The following PIAS2 variants were observed in gnomAD, a reference collection of about 807,000 sequenced individuals.
The protein encoded by PIAS2 is E3 SUMO-protein ligase PIAS2.
Under a neutral mutation model 69.7 loss-of-function variants are expected in PIAS2, and 19 were observed. The ratio of observed to expected loss-of-function variants is 0.27; its 90% CI spans 0.19 to 0.40. The LOEUF (loss-of-function observed/expected upper bound fraction) is 0.40. Ranked by LOEUF, PIAS2 falls within the 10% of genes least tolerant of loss-of-function variation. The pLI is 1.00. For missense variants in PIAS2, 624 were observed against 757.0 expected (o/e 0.82, Z 2.06); for synonymous variants, 261 against 263.2 (o/e 0.99, Z 0.08).
chr18:46,868,068 G>C (rs1179680978), intron 2 of PIAS2, among the ~76,000 whole-genome samples: 1 of 152,174 alleles, frequency 6.6e-6, no homozygotes, highest in Non-Finnish European at 1.5e-5. Context: ...CAAGTGATCT[G>C]AGCTTCTGGC....
At chr18:46,814,211 C>T (rs891639404) in intron 13 of PIAS2, among the ~76,000 whole-genome samples, 1 of 152,118 alleles carries the variant, frequency 6.6e-6, no homozygotes, top group Non-Finnish European at 1.5e-5. Flanking sequence ...ATATGGAGGT[C>T]AAGTAGTAAA....
intron 1 of PIAS2, among the ~76,000 whole-genome samples, chr18:46,904,616 T>G (rs1156400957): frequency 2.0e-5 from 3 of 151,964 alleles, no homozygotes; most frequent in Non-Finnish European, 4.4e-5. Context: ...CCAGGCATGG[T>G]GGCAGGCACC....
rs1166294893 is a variant in PIAS2 at position 46,804,194 on chromosome 18, A to G, written c.*8239T>C. 1 of 152,146 alleles carries G rather than the reference A, an allele frequency of 6.6e-6. No homozygotes were observed. The highest frequency in any genetic ancestry group is 2.4e-5 in the African/African-American group (1 of 41,420). The allele number at this position is 152,146 out of a possible 1,614,324, so 9.4% of individuals were successfully genotyped here. A position where few individuals can be genotyped will look rare whatever the true frequency, so the allele number is the denominator to read the frequency against. ...CTCTGGGATGCAAGTGAAAAAAGTT[A>G]TCACCTCTGCCCTCATGGAGCTTAC... is the stretch of plus-strand genomic sequence containing the variant. On this transcript the variant is annotated 3_prime_UTR_variant, in exon 14 of 14. Transcript: ENST00000585916.
chr18:46,818,989 C>T (rs889894067), intron 12 of PIAS2, among the ~76,000 whole-genome samples: 19 of 152,180 alleles, frequency 1.2e-4, no homozygotes, highest in Middle Eastern at 6.8e-3. Context: ...TGCCCAAATT[C>T]TGAAATAATG....
At chr18:46,855,685 GA>G in intron 3 of PIAS2, 70 bp from the exon 4 acceptor site, 16 of 1,106,354 alleles carry the variant, frequency 1.4e-5, no homozygotes, top group Non-Finnish European at 2.0e-5. Flanking sequence ...TCCCCAGGAG[GA>G]AAAAAAGGAA....
chr18:46,813,832 C>G (rs1292959069), intron 13 of PIAS2, among the ~76,000 whole-genome samples: 3 of 152,136 alleles, frequency 2.0e-5, no homozygotes, highest in Non-Finnish European at 4.4e-5. Flanking sequence ...ATGCCACATA[C>G]AGAGTCAAGG....
rs751651329 is a variant in PIAS2 at position 46,864,231 on chromosome 18, G to T, written c.517C>A (p.Arg173=). Residue 173 remains arginine (R), a synonymous_variant, in exon 3 of 14, where the codon CGA becomes AGA. Coordinates refer to ENST00000585916, the MANE Select transcript of PIAS2 (RefSeq NM_004671.5). ...AAAATAAAAAACTTCTCTTGAAATCGCTGAATACTGCTTTGAACTGGGAAG... is the reference window on the plus strand; with the variant it reads ...AAAATAAAAAACTTCTCTTGAAATCTCTGAATACTGCTTTGAACTGGGAAG... ...PTSLVQSSIQ[R]FQEKFFIFAL... 4 of 1,590,296 alleles carry T rather than the reference G, an allele frequency of 2.5e-6. No individual in the cohort carries two copies. In the South Asian group the frequency reaches 3.5e-5, roughly 14 times the overall value.
chr18:46,810,698 A>G lies in PIAS2; in HGVS notation c.*1735T>C, dbSNP rs1258138408. 6.6e-6 allele frequency: 1 copy of G among 151,886 alleles called. No individual in the cohort carries two copies. Among genetic ancestry groups the G allele is most frequent in the Non-Finnish European group, 1.5e-5 (1 of 68,002 alleles). The allele number at this position is 151,886 out of a possible 1,614,324, so 9.4% of individuals were successfully genotyped here. A position where few individuals can be genotyped will look rare whatever the true frequency, so the allele number is the denominator to read the frequency against. The stretch of plus-strand genomic sequence containing the variant: ...AAACCATATGAATTTAAATCAACAT[A>G]AAAAGAACACACAAAGGCCATGGAA... On this transcript the variant is annotated 3_prime_UTR_variant, in exon 14 of 14. Transcript: ENST00000585916.
intron 12 of PIAS2, chr18:46,817,606 T>C (rs1286474334): frequency 2.1e-6 from 2 of 952,290 alleles, no homozygotes; most frequent in Non-Finnish European, 2.5e-6. Flanking sequence ...GAAAATTGAA[T>C]GTGGTGACTT....
chr18:46,815,705 A>C (rs1041444728), intron 12 of PIAS2: 61 of 1,007,394 alleles, frequency 6.1e-5, no homozygotes, highest in Non-Finnish European at 6.8e-5. Flanking sequence ...AAAAAAAAAA[A>C]CATACTTAAG....
rs143649527 is a variant in PIAS2, at chr18:46,916,491, G to A, written c.24+831C>T. ...CGATACACACAAATCCATCTCATTC[G>A]TCACACTTAGTTAGGACTTTAAAGG... On this transcript the variant is annotated intron_variant, in intron 1 of 13. Coordinates refer to ENST00000585916, the MANE Select transcript of PIAS2 (RefSeq NM_004671.5). 3.6e-4 allele frequency among the ~76,000 whole-genome samples: 54 copies of A among 151,672 alleles called. No individual in the cohort carries two copies. The Middle Eastern group carries it at 0.014, about 38-fold the overall frequency.
At chr18:46,850,949 A>T (rs1468632703) in intron 5 of PIAS2, among the ~76,000 whole-genome samples, 1 of 152,162 alleles carries the variant, frequency 6.6e-6, no homozygotes, top group Non-Finnish European at 1.5e-5. Context: ...CTTTAGTATA[A>T]TTATTATAAG....
In PIAS2 at chr18:46,864,230, C is replaced by T. The variant is rs754907177; in HGVS notation, c.518G>A (p.Arg173Gln). ...AAAAATAAAAAACTTCTCTTGAAAT[C>T]GCTGAATACTGCTTTGAACTGGGAA... ...PTSLVQSSIQ[R>Q]FQEKFFIFAL... Residue 173 changes from arginine to glutamine, a missense_variant, in exon 3 of 14, where the codon CGA becomes CAA. Coordinates refer to ENST00000585916, the MANE Select transcript of PIAS2 (RefSeq NM_004671.5). 2 of 1,591,536 alleles carry T rather than the reference C, an allele frequency of 1.3e-6. No homozygotes were observed. The highest frequency in any genetic ancestry group is 1.7e-6 in the Non-Finnish European group (2 of 1,168,720).
At chr18:46,901,569 G>T (rs1425930258) in intron 1 of PIAS2, among the ~76,000 whole-genome samples, 1 of 152,158 alleles carries the variant, frequency 6.6e-6, no homozygotes, top group African/African-American at 2.4e-5. Flanking sequence ...ATGCAAGACT[G>T]GTTCATTATA....
chr18:46,813,009 A>G (rs1339797396), intron 13 of PIAS2, among the ~76,000 whole-genome samples: 1 of 152,166 alleles, frequency 6.6e-6, no homozygotes, highest in Non-Finnish European at 1.5e-5. Context: ...TTTTTGCTTA[A>G]TAACATTTTT....
At chr18:46,861,467 T>A (rs1475904523) in intron 3 of PIAS2, among the ~76,000 whole-genome samples, 1 of 152,180 alleles carries the variant, frequency 6.6e-6, no homozygotes, top group East Asian at 1.9e-4. Flanking sequence ...AAAGTTATCT[T>A]TGCAAAATAT....
intron 12 of PIAS2, chr18:46,817,603 G>T: frequency 3.2e-6 from 3 of 950,168 alleles, no homozygotes; most frequent in Non-Finnish European, 2.5e-6. Context: ...ACGGAAAATT[G>T]AATGTGGTGA....
intron 9 of PIAS2, among the ~76,000 whole-genome samples, chr18:46,835,043 A>T (rs2044233855): frequency 6.6e-6 from 1 of 152,228 alleles, no homozygotes; most frequent in African/African-American, 2.4e-5. Context: ...GCAATTTTAA[A>T]TTGAAAAAGT....
Position 46,855,923 on chromosome 18 carries a change from G to A in PIAS2, c.585-308C>T, listed in dbSNP as rs567958203. On this transcript the variant is annotated intron_variant, in intron 3 of 13. Coordinates refer to ENST00000585916, the MANE Select transcript of PIAS2 (RefSeq NM_004671.5). ...ACATGCAAGGAAGCAGCCTAAGTTC[G>A]GAAAGAGTTTTAATCAGCAAATCTA... Among the ~76,000 whole-genome samples, 8 of 151,402 alleles carry A rather than the reference G, an allele frequency of 5.3e-5. No homozygotes were observed. The East Asian group carries it at 7.7e-4, about 15-fold the overall frequency.
Sources: allele counts gnomAD v4.1 joint callset (sites outside exome capture counted in the v4.1 genomes callset), GRCh38; gene constraint gnomAD v4.1.1; transcripts MANE v1.5; gene names NCBI Gene and HGNC (gene_info 2026-07-23, HGNC 2026-07-21).